Variants in UNC5C observed in about 807,000 individuals in gnomAD.
The protein encoded by UNC5C is unc-5 netrin receptor C, also known as netrin receptor UNC5C.
A neutral mutation model predicts 99.8 loss-of-function variants in UNC5C; 47 were observed. That is an observed-to-expected ratio of 0.47 (90% CI 0.37 to 0.60). The LOEUF (loss-of-function observed/expected upper bound fraction) is 0.60. Among genes scored for constraint, UNC5C ranks in the 20% least tolerant of loss-of-function variants. The pLI is 0.00. For synonymous variants in UNC5C, 487 were observed against 452.2 expected (o/e 1.08, Z -0.98); for missense variants, 1,062 against 1,165.9 (o/e 0.91, Z 1.30).
chr4:95,448,188 ATGTGTGTGTCTC>A lies in UNC5C; in HGVS notation c.124+100534_124+100545del, dbSNP rs200052832. Among the ~76,000 whole-genome samples the A allele has an allele frequency of 4.3e-4, 48 of 112,354 alleles. 1 individual carries two copies. The highest frequency in any genetic ancestry group is 6.6e-4 in the South Asian group (2 of 3,028). The allele number at this position is 112,354 out of a possible 152,430, so 73.7% of individuals were successfully genotyped here. A position where few individuals can be genotyped will look rare whatever the true frequency, so the allele number is the denominator to read the frequency against. ...TGTCACAAGTATTCAAGTTTTGCTA[ATGTGTGTGTCTC>A]TGTGTGTGTGTGTGTGTGTGTGTGT... On this transcript the variant is annotated intron_variant, in intron 1 of 15. Transcript: ENST00000453304.
intron 1 of UNC5C, among the ~76,000 whole-genome samples, 179 bp downstream of exon 1, chr4:95,548,553 TAA>T (rs1723138208): frequency 2.6e-5 from 4 of 151,494 alleles, no homozygotes; most frequent in Admixed American, 6.6e-5. Flanking sequence ...ATAATAATAA[TAA>T]TAATTATTAT....
chr4:95,314,211 C>A (rs559596900), intron 2 of UNC5C, among the ~76,000 whole-genome samples: 1 of 152,264 alleles, frequency 6.6e-6, no homozygotes, highest in South Asian at 2.1e-4. Context: ...GGGGAATTTT[C>A]AGTGGACTCG....
rs890029236 is a variant in UNC5C at position 95,341,476 on chromosome 4, AAGAG to A, written c.125-5849_125-5846del. Among the ~76,000 whole-genome samples, 8 of 147,948 alleles carry A rather than the reference AAGAG, an allele frequency of 5.4e-5. No individual in the cohort carries two copies. In the South Asian group the frequency reaches 1.1e-3, roughly 20 times the overall value. On this transcript the variant is annotated intron_variant, in intron 1 of 15. Transcript: ENST00000453304. ...ATAAGAAAGAGAGAAAGAAAGAAGA[AAGAG>A]AGAGAAAGAAAGAAAGAAGAAAGAG... is the stretch of plus-strand genomic sequence containing the variant.
chr4:95,356,995 T>C (rs994721745), intron 1 of UNC5C, among the ~76,000 whole-genome samples: 1 of 152,190 alleles, frequency 6.6e-6, no homozygotes, highest in African/African-American at 2.4e-5. Flanking sequence ...CAAAATTTCA[T>C]GGCTCTGCTA....
At chr4:95,470,921 T>A (rs1322573530) in intron 1 of UNC5C, among the ~76,000 whole-genome samples, 1 of 152,018 alleles carries the variant, frequency 6.6e-6, no homozygotes, top group African/African-American at 2.4e-5. Flanking sequence ...TTCAACAAGA[T>A]TAATGGTACT....
At chr4:95,230,056 C>A (rs1738853279) in intron 7 of UNC5C, among the ~76,000 whole-genome samples, 1 of 152,048 alleles carries the variant, frequency 6.6e-6, no homozygotes. Flanking sequence ...GGTGATCCAC[C>A]TGCCTCAGCC....
intron 1 of UNC5C, among the ~76,000 whole-genome samples, chr4:95,375,486 A>G (rs1481346361): frequency 2.0e-5 from 3 of 152,176 alleles, no homozygotes; most frequent in Non-Finnish European, 2.9e-5. Flanking sequence ...TATAAAGATG[A>G]TTGTTATAAA....
At chr4:95,445,994 A>C (rs1003937209) in intron 1 of UNC5C, among the ~76,000 whole-genome samples, 1 of 152,038 alleles carries the variant, frequency 6.6e-6, no homozygotes, top group African/African-American at 2.4e-5. Flanking sequence ...AACAAACAAA[A>C]AAAACAACGT....
rs370767969 is a variant in UNC5C at position 95,422,025 on chromosome 4, A to G, written c.125-86394T>C. On this transcript the variant is annotated intron_variant, in intron 1 of 15. Transcript: ENST00000453304. ...AGCAAGGGCCAACAGAGCACATGTC[A>G]GATGTGCTGACTGGTCCCAAGACAG... Among the ~76,000 whole-genome samples the G allele has an allele frequency of 9.2e-5, 14 of 152,348 alleles. No homozygotes were observed. In the East Asian group the frequency reaches 2.3e-3, roughly 25 times the overall value.
At chr4:95,248,261 A>G in intron 5 of UNC5C, 1 of 264,362 alleles carries the variant, frequency 3.8e-6, no homozygotes. Context: ...ACACAAATCA[A>G]CAGGAGAAAA....
intron 1 of UNC5C, among the ~76,000 whole-genome samples, chr4:95,404,721 C>T (rs1004461848): frequency 6.6e-6 from 1 of 152,156 alleles, no homozygotes; most frequent in Non-Finnish European, 1.5e-5. Flanking sequence ...TAAATGAGAA[C>T]AGGAATTTCT....
intron 1 of UNC5C, among the ~76,000 whole-genome samples, chr4:95,466,834 C>T (rs147960578): frequency 3.3e-4 from 50 of 152,204 alleles, no homozygotes; most frequent in African/African-American, 1.1e-3. Flanking sequence ...TTCTTTGATA[C>T]GACGTCATTT....
chr4:95,467,459 C>T (rs1747818898), intron 1 of UNC5C, among the ~76,000 whole-genome samples: 1 of 152,072 alleles, frequency 6.6e-6, no homozygotes, highest in Non-Finnish European at 1.5e-5. Flanking sequence ...ACCCTTGCAG[C>T]ATGCATATAT....
chr4:95,203,968 C>A lies in UNC5C; in HGVS notation c.1903-1004G>T, dbSNP rs116992985. 3.2e-4 allele frequency among the ~76,000 whole-genome samples: 49 copies of A among 151,902 alleles called. 1 individual carries two copies. The East Asian group carries it at 8.5e-3, about 26-fold the overall frequency. On this transcript the variant is annotated intron_variant, in intron 11 of 15. Transcript: ENST00000453304. ...GCAGCTGTCCCAAGTCCTAGATGAC[C>A]AGGGGCCAAGGACATGGTACTTGGT...
chr4:95,171,797 C>T (rs1171756571), intron 14 of UNC5C, among the ~76,000 whole-genome samples: 1 of 151,772 alleles, frequency 6.6e-6, no homozygotes, highest in African/African-American at 2.4e-5. Context: ...AGTTCTAGAT[C>T]CCTGAGGAGT....
rs1474369281 is a variant in UNC5C at position 95,165,064 on chromosome 4, G to A, written c.*4170C>T. On this transcript the variant is annotated 3_prime_UTR_variant, in exon 16 of 16. Coordinates refer to ENST00000453304, the MANE Select transcript of UNC5C (RefSeq NM_003728.4). ...CCAAGAGCACAGCTGCTGTGATCCT[G>A]ACAGAGACACACAGAAGGACACGAG... 1 of 152,190 alleles carries A rather than the reference G, an allele frequency of 6.6e-6. No individual in the cohort carries two copies. Among genetic ancestry groups the A allele is most frequent in the African/African-American group, 2.4e-5 (1 of 41,452 alleles). The allele number at this position is 152,190 out of a possible 1,614,324, so 9.4% of individuals were successfully genotyped here.
At chr4:95,448,385 G>A (rs934878206) in intron 1 of UNC5C, among the ~76,000 whole-genome samples, 4 of 151,982 alleles carry the variant, frequency 2.6e-5, no homozygotes, top group Admixed American at 6.6e-5. Context: ...ACCCCTCTGG[G>A]CCTTACTTTC....
intron 2 of UNC5C, among the ~76,000 whole-genome samples, chr4:95,324,251 C>T (rs1742806531): frequency 6.6e-6 from 1 of 152,028 alleles, no homozygotes; most frequent in Non-Finnish European, 1.5e-5. Context: ...CATAGGAGCA[C>T]AAACCATATT....
intron 1 of UNC5C, among the ~76,000 whole-genome samples, chr4:95,459,266 G>GTA (rs1747530462): frequency 6.6e-6 from 1 of 152,116 alleles, no homozygotes; most frequent in African/African-American, 2.4e-5. Flanking sequence ...TGGAATTCAA[G>GTA]TATTTTCATA....
Sources: allele counts gnomAD v4.1 joint callset (sites outside exome capture counted in the v4.1 genomes callset), GRCh38; gene constraint gnomAD v4.1.1; transcripts MANE v1.5; gene names NCBI Gene and HGNC (gene_info 2026-07-23, HGNC 2026-07-21).